FBXW7: variants seen among roughly 807,000 people sequenced by gnomAD.
FBXW7 encodes F-box and WD repeat domain containing 7.
Under a neutral mutation model 86.3 loss-of-function variants are expected in FBXW7, and 11 were observed. The observed-to-expected ratio is 0.13, with a 90% CI of 0.08 to 0.21. The LOEUF (loss-of-function observed/expected upper bound fraction) is 0.21. Ranked by LOEUF, FBXW7 falls within the 10% of genes least tolerant of loss-of-function variation. The probability of loss-of-function intolerance (pLI) is 1.00; values close to 1 mark genes in which losing one functional copy is unlikely to be tolerated. For synonymous variants in FBXW7, 313 were observed against 297.9 expected (o/e 1.05, Z -0.52); for missense variants, 488 against 847.4 (o/e 0.58, Z 5.27).
intron 4 of FBXW7, among the ~76,000 whole-genome samples, chr4:152,373,185 G>A (rs965118110): frequency 1.1e-4 from 16 of 151,870 alleles, no homozygotes; most frequent in African/African-American, 3.4e-4. Flanking sequence ...ACTAGCTAAG[G>A]GGCAAGAACC....
intron 2 of FBXW7, among the ~76,000 whole-genome samples, chr4:152,471,433 G>C (rs1013373908): frequency 7.6e-6 from 1 of 131,846 alleles, no homozygotes; most frequent in African/African-American, 2.9e-5. Flanking sequence ...GGGAAGGAAG[G>C]AGGGAAGGAA....
At chr4:152,414,494 G>A (rs946752599) in intron 2 of FBXW7, among the ~76,000 whole-genome samples, 4 of 152,030 alleles carry the variant, frequency 2.6e-5, no homozygotes, top group Non-Finnish European at 4.4e-5. Flanking sequence ...GACTATAAAA[G>A]TATCATTCGT....
chr4:152,396,445 C>CT (rs1010231507), intron 4 of FBXW7, among the ~76,000 whole-genome samples: 1 of 151,924 alleles, frequency 6.6e-6, no homozygotes, highest in African/African-American at 2.4e-5. Context: ...AATGGCAATT[C>CT]TTTGAGTGCT....
chr4:152,517,521 T>C (rs1356733324), intron 2 of FBXW7, among the ~76,000 whole-genome samples: 3 of 152,146 alleles, frequency 2.0e-5, no homozygotes, highest in Non-Finnish European at 2.9e-5. Context: ...ACAGACAGTA[T>C]AGAATAAAGA....
chr4:152,339,396 C>G (rs560407718), intron 6 of FBXW7, among the ~76,000 whole-genome samples: 1 of 152,326 alleles, frequency 6.6e-6, no homozygotes, highest in Admixed American at 6.5e-5. Flanking sequence ...TTTGGTTTCT[C>G]TCACATAACT....
intron 2 of FBXW7, among the ~76,000 whole-genome samples, chr4:152,495,766 T>C (rs1012278266): frequency 2.0e-5 from 3 of 152,096 alleles, no homozygotes; most frequent in African/African-American, 7.2e-5. Flanking sequence ...TGGTCCTACA[T>C]AGGTCAATAA....
intron 4 of FBXW7, among the ~76,000 whole-genome samples, chr4:152,394,980 G>C (rs1230062627): frequency 6.6e-6 from 1 of 152,056 alleles, no homozygotes; most frequent in Non-Finnish European, 1.5e-5. Flanking sequence ...ATGATCTACT[G>C]AGTCACTCAG....
chr4:152,360,801 G>C (rs920375279), intron 4 of FBXW7, among the ~76,000 whole-genome samples: 1 of 150,346 alleles, frequency 6.7e-6, no homozygotes, highest in Non-Finnish European at 1.5e-5. Context: ...TGTATGCATA[G>C]AGAAAAGCCT....
Position 152,421,517 on chromosome 4 carries a change from G to C in FBXW7, c.-119-8988C>G, listed in dbSNP as rs116090345. On this transcript the variant is annotated intron_variant, in intron 2 of 13. Transcript: ENST00000281708. The stretch of plus-strand genomic sequence containing the variant: ...GTTCAAGAACAGCCTGATCAACATA[G>C]CGAGACCCTGTCTCTACTTTTTAAA... Among the ~76,000 whole-genome samples, 313 of 152,200 alleles carry C rather than the reference G, an allele frequency of 2.1e-3. 1 individual carries two copies. Among genetic ancestry groups the C allele is most frequent in the African/African-American group, 7.2e-3 (299 of 41,524 alleles).
At chr4:152,437,230 G>A (rs1740462526) in intron 2 of FBXW7, among the ~76,000 whole-genome samples, 1 of 152,116 alleles carries the variant, frequency 6.6e-6, no homozygotes, top group Non-Finnish European at 1.5e-5. Context: ...CCTCGTGGAT[G>A]ACTTTGAGGG....
At chr4:152,344,475 AC>A (rs1474857105) in intron 6 of FBXW7, among the ~76,000 whole-genome samples, 1 of 151,974 alleles carries the variant, frequency 6.6e-6, no homozygotes, top group East Asian at 1.9e-4. Context: ...TCTTCACTGC[AC>A]CTACTCCTTT....
chr4:152,454,036 C>T (rs1300962599), intron 2 of FBXW7, among the ~76,000 whole-genome samples: 3 of 152,118 alleles, frequency 2.0e-5, no homozygotes, highest in Non-Finnish European at 4.4e-5. Flanking sequence ...AATAATTTGG[C>T]CACTGCCTTT....
intron 4 of FBXW7, among the ~76,000 whole-genome samples, chr4:152,357,780 T>C (rs1344197639): frequency 6.6e-6 from 1 of 152,178 alleles, no homozygotes; most frequent in Non-Finnish European, 1.5e-5. Flanking sequence ...GATGGACACA[T>C]GCACAAATGT....
intron 4 of FBXW7, among the ~76,000 whole-genome samples, chr4:152,356,496 TTTA>T (rs1212724634): frequency 1.3e-5 from 2 of 152,154 alleles, no homozygotes; most frequent in African/African-American, 4.8e-5. Context: ...TGTCAGTGAT[TTTA>T]TTATTATCAT....
intron 2 of FBXW7, among the ~76,000 whole-genome samples, chr4:152,469,962 T>C (rs1743802581): frequency 6.6e-6 from 1 of 152,080 alleles, no homozygotes; most frequent in Admixed American, 6.5e-5. Flanking sequence ...ATAGCCTTTT[T>C]AAAATCCTGC....
chr4:152,363,640 T>C (rs751878425), intron 4 of FBXW7, among the ~76,000 whole-genome samples: 2 of 152,344 alleles, frequency 1.3e-5, no homozygotes, highest in Non-Finnish European at 2.9e-5. Context: ...CCAGTTTGAA[T>C]AAGCAACTCC....
At position 152,322,767 on chromosome 4, in the gene FBXW7, G is replaced by T; in HGVS notation, c.*114C>A. 1 of 1,497,388 alleles carries T rather than the reference G, an allele frequency of 6.7e-7. No individual in the cohort carries two copies. Among genetic ancestry groups the T allele is most frequent in the Non-Finnish European group, 8.9e-7 (1 of 1,125,072 alleles). The allele number at this position is 1,497,388 out of a possible 1,614,324, so 92.8% of individuals were successfully genotyped here. On this transcript the variant is annotated 3_prime_UTR_variant, in exon 14 of 14. Transcript: ENST00000281708. ...ATCTGTTGCCCCAAGCCAACATCCT[G>T]CACCACTGAGAACAAGGGATTTTTT...
rs2126512456 is a variant in FBXW7 at position 152,328,212 on chromosome 4, T to C, written c.1414A>G (p.Lys472Glu). 1 of 1,586,172 alleles carries C rather than the reference T, an allele frequency of 6.3e-7. No homozygotes were observed. The highest frequency in any genetic ancestry group is 1.4e-5 in the African/African-American group (1 of 72,968). Residue 472 changes from lysine to glutamate, a missense_variant, in exon 11 of 14, where the codon AAA becomes GAA. Coordinates refer to ENST00000281708, the MANE Select transcript of FBXW7 (RefSeq NM_001349798.2). The stretch of plus-strand genomic sequence containing the variant: ...CATGACAAGATTTTCCCTTACCTTT[T>C]TTCATGAAGATGCATACAACGCACA... ...STVRCMHLHE[K>E]RVVSGSRDAT...
Position 152,461,945 on chromosome 4 carries a change from T to C in FBXW7, c.-119-49416A>G, listed in dbSNP as rs374060245. ...CTTTAACACTGCTTTGTTATACAAC[T>C]GATGAGAAAAAAATGTTCTGTTATA... On this transcript the variant is annotated intron_variant, in intron 2 of 13. Coordinates refer to ENST00000281708, the MANE Select transcript of FBXW7 (RefSeq NM_001349798.2). Among the ~76,000 whole-genome samples the C allele has an allele frequency of 1.4e-3, 207 of 149,134 alleles. 1 individual carries two copies. Among genetic ancestry groups the C allele is most frequent in the African/African-American group, 5.0e-3 (196 of 39,378 alleles).
Sources: gnomAD v4.1 joint callset for allele counts (sites outside exome capture counted in the v4.1 genomes callset) on GRCh38, gnomAD v4.1.1 for gene constraint, MANE v1.5 for transcripts, NCBI Gene and HGNC (gene_info 2026-07-23, HGNC 2026-07-21) for gene names.